Variants in SLC15A4 observed in about 807,000 individuals in gnomAD.
SLC15A4 encodes the protein solute carrier family 15 member 4, also known as hPHT1.
A neutral mutation model predicts 46.1 loss-of-function variants in SLC15A4; 26 were observed. The ratio of observed to expected loss-of-function variants is 0.56; its 90% confidence interval spans 0.41 to 0.78. The LOEUF is 0.78. SLC15A4 is among the 30% of genes least tolerant of loss of function. The pLI, the probability that SLC15A4 is intolerant of heterozygous loss-of-function variation, is 0.00. For missense variants in SLC15A4, 751 were observed against 755.7 expected (o/e 0.99, Z 0.07); for synonymous variants, 370 against 333.4 (o/e 1.11, Z -1.20).
intron 4 of SLC15A4, 34 bp from the exon 5 acceptor site, chr12:128,808,990 C>T (rs763758652): frequency 1.6e-5 from 25 of 1,592,254 alleles, no homozygotes; most frequent in Non-Finnish European, 2.0e-5. Flanking sequence ...CGTTTACTCC[C>T]CGCAATACAG....
intron 7 of SLC15A4, among the ~76,000 whole-genome samples, chr12:128,795,595 C>T (rs564476462): frequency 1.3e-5 from 2 of 152,364 alleles, no homozygotes; most frequent in South Asian, 2.1e-4. Flanking sequence ...ACACGTGCCA[C>T]GGTCATGATC....
At chr12:128,816,995 T>G (rs1374722744) in intron 1 of SLC15A4, among the ~76,000 whole-genome samples, 3 of 152,178 alleles carry the variant, frequency 2.0e-5, no homozygotes, top group Admixed American at 6.5e-5. Flanking sequence ...GAAAAAAAAT[T>G]GTGTGCTCCT....
chr12:128,811,247 C>A (rs1432039372), intron 2 of SLC15A4, among the ~76,000 whole-genome samples: 1 of 152,228 alleles, frequency 6.6e-6, no homozygotes, highest in Admixed American at 6.5e-5. Flanking sequence ...TTGTGTTTAA[C>A]TGTGGGAAGC....
chr12:128,813,568 G>C (rs536596791), intron 2 of SLC15A4: 2 of 152,310 alleles, frequency 1.3e-5, no homozygotes, highest in South Asian at 4.1e-4. Flanking sequence ...ACGGCTCCAA[G>C]AGCATGAGTA....
chr12:128,804,598 CAG>C (rs1555252557), intron 5 of SLC15A4, among the ~76,000 whole-genome samples: 2 of 152,174 alleles, frequency 1.3e-5, no homozygotes, highest in Non-Finnish European at 2.9e-5. Flanking sequence ...GGCATGGTGG[CAG>C]GCGCCTGTAA....
At chr12:128,810,378 A>C (rs1955641351) in intron 2 of SLC15A4, 2 of 419,534 alleles carry the variant, frequency 4.8e-6, no homozygotes, top group South Asian at 4.7e-5. Context: ...AAGATCTGTG[A>C]TGACAGTGTG....
intron 7 of SLC15A4, 94 bp downstream of exon 7, chr12:128,799,165 C>T (rs2135705304): frequency 5.6e-6 from 8 of 1,434,496 alleles, no homozygotes; most frequent in Admixed American, 1.8e-5. Context: ...AGGCCATCCA[C>T]GTGAAAACAC....
intron 5 of SLC15A4, among the ~76,000 whole-genome samples, chr12:128,803,095 G>A (rs375474975): frequency 1.6e-4 from 24 of 146,090 alleles, no homozygotes; most frequent in African/African-American, 5.7e-4. Context: ...CATGGGATGC[G>A]ACGCTGGATA....
At chr12:128,797,059 A>G (rs770462211) in intron 7 of SLC15A4, among the ~76,000 whole-genome samples, 1 of 152,178 alleles carries the variant, frequency 6.6e-6, no homozygotes, top group African/African-American at 2.4e-5. Context: ...CACAGACAGA[A>G]GGATAATTAC....
Position 128,794,182 on chromosome 12 carries a change from T to A in SLC15A4, c.*14A>T, listed in dbSNP as rs780899084. On this transcript the variant is annotated 3_prime_UTR_variant, in exon 8 of 8. Coordinates refer to ENST00000266771, the MANE Select transcript of SLC15A4 (RefSeq NM_145648.4). Reference sequence around the variant, plus strand: ...ACATGTCAGCCTCAGAAACCGCACATGGCCTCAGGAAGGTCAGGCCCTCCT... The same window carrying A: ...ACATGTCAGCCTCAGAAACCGCACAAGGCCTCAGGAAGGTCAGGCCCTCCT... 6 of 1,599,850 alleles carry A rather than the reference T, an allele frequency of 3.8e-6. No homozygotes were observed. The African/African-American group carries it at 6.7e-5, about 18-fold the overall frequency.
intron 5 of SLC15A4, among the ~76,000 whole-genome samples, chr12:128,804,644 C>T (rs186471269): frequency 0.012 from 1,822 of 152,282 alleles, 40 homozygotes; most frequent in African/African-American, 0.04. Context: ...GCAGGAGAAT[C>T]GCTTGAACCA....
At position 128,793,257 on chromosome 12, in the gene SLC15A4, G is replaced by A. The variant is rs1955405393; in HGVS notation, c.*939C>T. On this transcript the variant is annotated 3_prime_UTR_variant, in exon 8 of 8. Coordinates refer to ENST00000266771, the MANE Select transcript of SLC15A4 (RefSeq NM_145648.4). ...TGCCAAAAATACAGCAACAAATACA[G>A]AAAAAGTATTAACAAACGGAGAAGC... 6.6e-6 allele frequency: 1 copy of A among 152,160 alleles called. No homozygotes were observed. Among genetic ancestry groups the A allele is most frequent in the African/African-American group, 2.4e-5 (1 of 41,424 alleles). 9.4% of individuals were successfully genotyped at this position (152,160 alleles called of 1,614,324 possible).
chr12:128,803,220 C>T (rs1955538518), intron 5 of SLC15A4, among the ~76,000 whole-genome samples: 1 of 152,084 alleles, frequency 6.6e-6, no homozygotes, highest in African/African-American at 2.4e-5. Context: ...AGAACTAAAG[C>T]ATAATATAAC....
Position 128,794,028 on chromosome 12 carries a change from C to T in SLC15A4, c.*168G>A. On this transcript the variant is annotated 3_prime_UTR_variant, in exon 8 of 8. Transcript: ENST00000266771. Reference sequence around the variant, plus strand: ...CCAGGAGACACGCTGCAGTAAGGCACTTACCAAGCTCCTTTGGATAGAGGG... The same window carrying T: ...CCAGGAGACACGCTGCAGTAAGGCATTTACCAAGCTCCTTTGGATAGAGGG... 1 of 619,620 alleles carries T rather than the reference C, an allele frequency of 1.6e-6. No individual in the cohort carries two copies. The highest frequency in any genetic ancestry group is 2.6e-6 in the Non-Finnish European group (1 of 387,006). 38.4% of individuals were successfully genotyped at this position (619,620 alleles called of 1,614,324 possible). A position where few individuals can be genotyped will look rare whatever the true frequency, so the allele number is the denominator to read the frequency against.
chr12:128,820,527 T>C (rs577288328), intron 1 of SLC15A4, among the ~76,000 whole-genome samples: 1 of 152,348 alleles, frequency 6.6e-6, no homozygotes, highest in African/African-American at 2.4e-5. Context: ...GAGTGAAAGC[T>C]CACATTCAAA....
intron 7 of SLC15A4, among the ~76,000 whole-genome samples, chr12:128,797,394 G>GA (rs869093761): frequency 2.9e-5 from 1 of 34,290 alleles, no homozygotes; most frequent in African/African-American, 6.7e-5. Context: ...TACCTTCTGA[G>GA]GGGGGCAGTA....
At chr12:128,801,464 C>T (rs55670540) in intron 5 of SLC15A4, 29,018 of 154,964 alleles carry the variant, frequency 0.19, 2,971 homozygotes, top group Middle Eastern at 0.3. Context: ...ATTATTATAA[C>T]AACAAATGAT....
At chr12:128,808,667 CCT>C in intron 5 of SLC15A4, 119 bp downstream of exon 5, 3 of 867,864 alleles carry the variant, frequency 3.5e-6, no homozygotes, top group Non-Finnish European at 1.8e-6. Flanking sequence ...TGATACACAT[CCT>C]CTTTTACAGA....
chr12:128,819,159 T>C (rs900325132), intron 1 of SLC15A4, among the ~76,000 whole-genome samples: 2 of 152,034 alleles, frequency 1.3e-5, no homozygotes, highest in African/African-American at 4.8e-5. Flanking sequence ...ATCCCAGAAC[T>C]TTGGGAGGCC....
Sources: allele counts gnomAD v4.1 joint callset (sites outside exome capture counted in the v4.1 genomes callset), GRCh38; gene constraint gnomAD v4.1.1; transcripts MANE v1.5; gene names NCBI Gene and HGNC (gene_info 2026-07-23, HGNC 2026-07-21).